RCAN1: variants seen among roughly 807,000 people sequenced by gnomAD.
The protein encoded by RCAN1 is regulator of calcineurin 1.
RCAN1 carries 11 observed loss-of-function variants against 22.9 expected under a neutral mutation model. The ratio of observed to expected loss-of-function variants is 0.48; its 90% CI spans 0.30 to 0.79. The LOEUF (loss-of-function observed/expected upper bound fraction) is 0.79, where lower values mean the gene tolerates loss of function less well. RCAN1 is among the 30% of genes least tolerant of loss of function. The probability of loss-of-function intolerance (pLI) is 0.06; values close to 1 mark genes in which losing one functional copy is unlikely to be tolerated. For missense variants in RCAN1, 291 were observed against 337.8 expected (o/e 0.86, Z 1.09); for synonymous variants, 136 against 142.3 (o/e 0.96, Z 0.32).
At chr21:34,529,047 C>T (rs1271167842) in intron 1 of RCAN1, among the ~76,000 whole-genome samples, 1 of 151,940 alleles carries the variant, frequency 6.6e-6, no homozygotes, top group Non-Finnish European at 1.5e-5. Flanking sequence ...TGCCCAAAAA[C>T]ATGTAATTCT....
intron 1 of RCAN1, among the ~76,000 whole-genome samples, chr21:34,557,769 A>G (rs1368770646): frequency 6.6e-6 from 1 of 152,216 alleles, no homozygotes; most frequent in Non-Finnish European, 1.5e-5. Flanking sequence ...AGTGATGAAG[A>G]TGGCGATGAT....
chr21:34,525,246 G>T, intron 1 of RCAN1: 3 of 1,550,654 alleles, frequency 1.9e-6, no homozygotes, highest in Non-Finnish European at 2.6e-6. Flanking sequence ...CAGGGTAGTC[G>T]GTCCCTGCCA....
At chr21:34,584,087 T>A (rs1211307411) in intron 1 of RCAN1, among the ~76,000 whole-genome samples, 1 of 152,218 alleles carries the variant, frequency 6.6e-6, no homozygotes, top group Admixed American at 6.5e-5. Context: ...TTCCTGAAGA[T>A]AGGACTGGCC....
intron 1 of RCAN1, among the ~76,000 whole-genome samples, chr21:34,591,400 T>TA (rs1452821914): frequency 6.6e-6 from 1 of 152,090 alleles, no homozygotes; most frequent in Non-Finnish European, 1.5e-5. Context: ...AGCCAAGACC[T>TA]AACCAAGGTG....
intron 1 of RCAN1, among the ~76,000 whole-genome samples, chr21:34,590,068 G>A (rs1987921786): frequency 6.6e-6 from 1 of 152,172 alleles, no homozygotes; most frequent in Non-Finnish European, 1.5e-5. Flanking sequence ...CTGGCTTCCT[G>A]TGTTAGCACA....
chr21:34,584,300 T>C (rs974386267), intron 1 of RCAN1, among the ~76,000 whole-genome samples: 10 of 152,206 alleles, frequency 6.6e-5, no homozygotes, highest in Non-Finnish European at 8.8e-5. Flanking sequence ...TCATTCAGAA[T>C]GCATTCACCA....
intron 1 of RCAN1, among the ~76,000 whole-genome samples, chr21:34,537,512 T>A (rs1985723226): frequency 6.6e-6 from 1 of 152,240 alleles, no homozygotes; most frequent in Non-Finnish European, 1.5e-5. Flanking sequence ...CATTTCACTG[T>A]GGCCGAGCAG....
intron 1 of RCAN1, among the ~76,000 whole-genome samples, chr21:34,613,183 T>G (rs867268917): frequency 1.6e-4 from 25 of 152,142 alleles, no homozygotes; most frequent in African/African-American, 5.8e-4. Context: ...CAGTAAGACC[T>G]TCCCTGATCA....
intron 1 of RCAN1, among the ~76,000 whole-genome samples, chr21:34,561,275 G>T (rs1335499855): frequency 6.6e-6 from 1 of 152,108 alleles, no homozygotes; most frequent in Non-Finnish European, 1.5e-5. Flanking sequence ...ACAAACTAGT[G>T]CTGTGTTGAC....
intron 1 of RCAN1, among the ~76,000 whole-genome samples, chr21:34,542,089 G>A (rs529956703): frequency 6.6e-6 from 1 of 152,128 alleles, no homozygotes; most frequent in Non-Finnish European, 1.5e-5. Context: ...ATAAACAGAG[G>A]TGAGGTGGGG....
At chr21:34,580,437 G>C (rs1164034422) in intron 1 of RCAN1, among the ~76,000 whole-genome samples, 2 of 152,188 alleles carry the variant, frequency 1.3e-5, no homozygotes, top group African/African-American at 4.8e-5. Flanking sequence ...CTTGCCTAGG[G>C]TTGAATGAGT....
rs1312447229 is a variant in RCAN1, at chr21:34,520,617, C to T, written c.586+882G>A. On this transcript the variant is annotated intron_variant, in intron 3 of 3. Coordinates refer to ENST00000313806, the MANE Select transcript of RCAN1 (RefSeq NM_004414.7). ...TGGTCAAGGAGAAATGAGGAGCTGA[C>T]GGTCTCAGCATTTATTTGACTTGCT... 5.9e-5 allele frequency among the ~76,000 whole-genome samples: 9 copies of T among 152,290 alleles called. 1 individual carries two copies. In the South Asian group the frequency reaches 6.2e-4, roughly 11 times the overall value.
chr21:34,561,633 C>G (rs1393591455), intron 1 of RCAN1, among the ~76,000 whole-genome samples: 1 of 152,194 alleles, frequency 6.6e-6, no homozygotes, highest in Non-Finnish European at 1.5e-5. Context: ...CTAGCACTTT[C>G]TGGAAAGTGT....
At chr21:34,526,799 A>G in intron 1 of RCAN1, 5 of 1,575,662 alleles carry the variant, frequency 3.2e-6, no homozygotes, top group South Asian at 1.2e-5. Context: ...TCAAGCCCCT[A>G]GTGAGATTCC....
chr21:34,530,622 T>G (rs998195977), intron 1 of RCAN1, among the ~76,000 whole-genome samples: 2 of 91,036 alleles, frequency 2.2e-5, no homozygotes, highest in African/African-American at 1.2e-4. Flanking sequence ...AATAGTTTTT[T>G]TTTTTTTTTT....
intron 1 of RCAN1, among the ~76,000 whole-genome samples, chr21:34,597,037 C>T (rs1040417406): frequency 1.3e-5 from 2 of 152,260 alleles, no homozygotes; most frequent in Admixed American, 6.5e-5. Context: ...GTCTCAGTTT[C>T]GTCATGAACT....
intron 1 of RCAN1, among the ~76,000 whole-genome samples, chr21:34,612,126 A>G (rs1988700572): frequency 1.3e-5 from 2 of 151,604 alleles, no homozygotes; most frequent in Non-Finnish European, 2.9e-5. Flanking sequence ...CTCCCTTCCT[A>G]TCTCCCCTGG....
chr21:34,553,897 T>C (rs1986459576), intron 1 of RCAN1, among the ~76,000 whole-genome samples: 1 of 152,194 alleles, frequency 6.6e-6, no homozygotes. Flanking sequence ...AAGCAGCAAC[T>C]ACACCCTGGC....
At chr21:34,546,693 A>G (rs1986154419) in intron 1 of RCAN1, among the ~76,000 whole-genome samples, 1 of 152,234 alleles carries the variant, frequency 6.6e-6, no homozygotes. Flanking sequence ...GACGCAAACA[A>G]CATCCACCGT....
Sources: gnomAD v4.1 joint callset for allele counts (sites outside exome capture counted in the v4.1 genomes callset) on GRCh38, gnomAD v4.1.1 for gene constraint, MANE v1.5 for transcripts, NCBI Gene and HGNC (gene_info 2026-07-23, HGNC 2026-07-21) for gene names.